Variants in OR8G5 observed in about 807,000 individuals in gnomAD.
The protein encoded by OR8G5 is olfactory receptor family 8 subfamily G member 5, also known as olfactory receptor 8G5.
For synonymous variants in OR8G5, 147 were observed against 147.7 expected (o/e 1.00, Z 0.03); for missense variants, 347 against 371.9 (o/e 0.93, Z 0.55).
chr11:124,264,109 A>G (rs1479874644), intron 1 of OR8G5, among the ~76,000 whole-genome samples: 3 of 151,224 alleles, frequency 2.0e-5, no homozygotes, highest in Non-Finnish European at 2.9e-5. Flanking sequence ...TTCTTCACTT[A>G]CTGATTTATG....
intron 1 of OR8G5, among the ~76,000 whole-genome samples, chr11:124,260,606 A>T (rs528754730): frequency 2.6e-5 from 4 of 151,854 alleles, no homozygotes; most frequent in Non-Finnish European, 4.4e-5. Flanking sequence ...ATCTATACAT[A>T]AGTTTGAGAG....
At chr11:124,263,362 T>G (rs1043478634) in intron 1 of OR8G5, among the ~76,000 whole-genome samples, 4 of 152,194 alleles carry the variant, frequency 2.6e-5, no homozygotes, top group African/African-American at 7.2e-5. Flanking sequence ...TTATTTTTTA[T>G]TATACTTTAA....
chr11:124,263,334 T>C (rs1178104415), intron 1 of OR8G5, among the ~76,000 whole-genome samples: 1 of 147,024 alleles, frequency 6.8e-6, no homozygotes, highest in Non-Finnish European at 1.5e-5. Flanking sequence ...TTGGTTCTTT[T>C]GCTTTTTAAA....
At position 124,265,795 on chromosome 11, in the gene OR8G5, G is replaced by C; in HGVS notation, c.864G>C (p.Leu288=). Residue 288 remains leucine (L), a synonymous_variant, in exon 2 of 2, where the codon CTG becomes CTC. Transcript: ENST00000641992. ...TTGTTGTGCCCATGCTGAACCCCCTGATCTACAGCCTGAGGAATAAAGATG... is the reference window on the plus strand; with the variant it reads ...TTGTTGTGCCCATGCTGAACCCCCTCATCTACAGCCTGAGGAATAAAGATG... ...YTIVVPMLNP[L]IYSLRNKDVH... 1 of 1,591,058 alleles carries C rather than the reference G, an allele frequency of 6.3e-7. No individual in the cohort carries two copies. The highest frequency in any genetic ancestry group is 8.6e-7 in the Non-Finnish European group (1 of 1,169,042).
Position 124,265,808 on chromosome 11 carries a change from A to C in OR8G5, c.877A>C (p.Arg293=). 1 of 1,613,736 alleles carries C rather than the reference A, an allele frequency of 6.2e-7. No homozygotes were observed. Among genetic ancestry groups the C allele is most frequent in the Non-Finnish European group, 8.5e-7 (1 of 1,179,912 alleles). ...GCTGAACCCCCTGATCTACAGCCTG[A>C]GGAATAAAGATGTCCACGTTGCCCT... ...PMLNPLIYSL[R]NKDVHVALKK... is the part of the protein sequence containing the mutation. Residue 293 remains arginine, a synonymous_variant, in exon 2 of 2, where the codon AGG becomes CGG. Transcript: ENST00000641992.
chr11:124,265,329 G>A lies in OR8G5; in HGVS notation c.398G>A (p.Ser133Asn). 1.2e-6 allele frequency: 2 copies of A among 1,614,028 alleles called. No individual in the cohort carries two copies. Among genetic ancestry groups the A allele is most frequent in the East Asian group, 2.2e-5 (1 of 44,886 alleles). Reference protein sequence around the residue: ...YVAICSPLLYSIIISNKACFS... With the variant: ...YVAICSPLLYNIIISNKACFS... ...GCCATCTGTAGCCCCTTGCTGTACA[G>A]CATCATCATATCCAATAAGGCTTGC... The change falls in exon 2 of 2, where the codon AGC becomes AAC. Residue 133 changes from serine to asparagine, a missense_variant. Ser to Asn is a conservative substitution (Grantham distance 46, BLOSUM62 1). Coordinates refer to ENST00000641992, the MANE Select transcript of OR8G5 (RefSeq NM_001005198.2).
In OR8G5 at chr11:124,266,218, A is replaced by G; in HGVS notation, c.*351A>G. On this transcript the variant is annotated 3_prime_UTR_variant, in exon 2 of 2. Coordinates refer to ENST00000641992, the MANE Select transcript of OR8G5 (RefSeq NM_001005198.2). ...AAAAACACTATCTTCTGGTGATAAA[A>G]TACTATCATGCGGTGATGACTAGCA... 4.7e-6 allele frequency: 1 copy of G among 211,358 alleles called. No individual in the cohort carries two copies. The highest frequency in any genetic ancestry group is 9.5e-6 in the Non-Finnish European group (1 of 104,842). The allele number at this position is 211,358 out of a possible 1,614,324, so 13.1% of individuals were successfully genotyped here.
At chr11:124,262,942 C>T (rs560919595) in intron 1 of OR8G5, among the ~76,000 whole-genome samples, 1 of 152,266 alleles carries the variant, frequency 6.6e-6, no homozygotes, top group African/African-American at 2.4e-5. Context: ...TCCCTGCCAG[C>T]TTTGTATGAC....
chr11:124,260,262 T>C (rs1861956641), intron 1 of OR8G5, among the ~76,000 whole-genome samples: 1 of 152,030 alleles, frequency 6.6e-6, no homozygotes, highest in Non-Finnish European at 1.5e-5. Flanking sequence ...AATAATGACT[T>C]TTGCAGCCGC....
chr11:124,261,653 A>C (rs1358070188), intron 1 of OR8G5, among the ~76,000 whole-genome samples: 8 of 151,958 alleles, frequency 5.3e-5, no homozygotes, highest in Admixed American at 3.9e-4. Flanking sequence ...GTGCATATTA[A>C]ATGCCTCAAC....
chr11:124,257,031 A>G (rs974737522), intron 1 of OR8G5, among the ~76,000 whole-genome samples: 1 of 152,222 alleles, frequency 6.6e-6, no homozygotes. Context: ...AGACTATTTA[A>G]TGTAGAAGGA....
In OR8G5 at chr11:124,265,819, T is replaced by G; in HGVS notation, c.888T>G (p.Asp296Glu). 1 of 1,614,088 alleles carries G rather than the reference T, an allele frequency of 6.2e-7. No individual in the cohort carries two copies. The highest frequency in any genetic ancestry group is 8.5e-7 in the Non-Finnish European group (1 of 1,179,964). The change falls in exon 2 of 2, where the codon GAT (aspartate) becomes GAG (glutamate). Residue 296 changes from aspartate to glutamate, a missense_variant. By Grantham distance (45) the Asp-to-Glu change is conservative. Coordinates refer to ENST00000641992, the MANE Select transcript of OR8G5 (RefSeq NM_001005198.2). ...TGATCTACAGCCTGAGGAATAAAGA[T>G]GTCCACGTTGCCCTGAAGAAAACGC... is the stretch of plus-strand genomic sequence containing the variant. ...NPLIYSLRNKDVHVALKKTLG... is the reference protein window; with the variant it reads ...NPLIYSLRNKEVHVALKKTLG...
chr11:124,259,151 T>A (rs1861940640), intron 1 of OR8G5, among the ~76,000 whole-genome samples: 1 of 130,728 alleles, frequency 7.6e-6, no homozygotes, highest in Non-Finnish European at 1.7e-5. Flanking sequence ...TTTAGAAGTG[T>A]CATTTGTGTG....
At position 124,265,748 on chromosome 11, in the gene OR8G5, G is replaced by T. The variant is rs1565320773; in HGVS notation, c.817G>T (p.Val273Leu). Reference protein sequence around the residue: ...SSVSSMDQGKVSSVFYTIVVP... With the variant: ...SSVSSMDQGKLSSVFYTIVVP... Reference sequence around the variant, plus strand: ...TGTCAGCTCCATGGACCAGGGGAAAGTGTCCTCTGTGTTTTATACTATTGT... The same window carrying T: ...TGTCAGCTCCATGGACCAGGGGAAATTGTCCTCTGTGTTTTATACTATTGT... The change falls in exon 2 of 2, where the codon GTG (valine) becomes TTG (leucine). Residue 273 changes from valine (V) to leucine (L), a missense_variant. Physicochemically the swap from Val to Leu is conservative, Grantham distance 32 (BLOSUM62 1). Transcript: ENST00000641992. The T allele has an allele frequency of 6.2e-7, 1 of 1,614,180 alleles. No individual in the cohort carries two copies.
chr11:124,264,662 T>C (rs1862009909), intron 1 of OR8G5: 2 of 516,156 alleles, frequency 3.9e-6, no homozygotes, highest in African/African-American at 1.9e-5. Context: ...AATACTGACT[T>C]GAAGATCATT....
chr11:124,266,019 C>G lies in OR8G5; in HGVS notation c.*152C>G, dbSNP rs1862027184. The stretch of plus-strand genomic sequence containing the variant: ...TATGTCTTATGCACATGGTCTATTT[C>G]ATGCCATTTCCCTCTCATTTTTTCT... On this transcript the variant is annotated 3_prime_UTR_variant, in exon 2 of 2. Coordinates refer to ENST00000641992, the MANE Select transcript of OR8G5 (RefSeq NM_001005198.2). 4 of 922,392 alleles carry G rather than the reference C, an allele frequency of 4.3e-6. No individual in the cohort carries two copies. The highest frequency in any genetic ancestry group is 6.2e-6 in the Non-Finnish European group (4 of 642,170). 57.1% of individuals were successfully genotyped at this position (922,392 alleles called of 1,614,324 possible).
chr11:124,256,912 G>A (rs532385624), intron 1 of OR8G5, among the ~76,000 whole-genome samples: 7 of 152,232 alleles, frequency 4.6e-5, no homozygotes, highest in African/African-American at 1.7e-4. Context: ...GCAGTAGAAA[G>A]GTCCAATCAA....
intron 1 of OR8G5, among the ~76,000 whole-genome samples, chr11:124,257,643 A>G (rs1191414250): frequency 6.6e-6 from 1 of 152,108 alleles, no homozygotes; most frequent in African/African-American, 2.4e-5. Context: ...TAGCAGATGA[A>G]AAGTCTGTCT....
rs1208846720 is a variant in OR8G5, at chr11:124,265,700, T to G, written c.769T>G (p.Phe257Val). 6.2e-7 allele frequency: 1 copy of G among 1,613,924 alleles called. No individual in the cohort carries two copies. The highest frequency in any genetic ancestry group is 2.2e-5 in the East Asian group (1 of 44,878). ...TTCTGTTTTCTTTGGGTCTGCAGCA[T>G]TCATGTACCTGCAGCCATCATCTGT... is the stretch of plus-strand genomic sequence containing the variant. ...AVSVFFGSAA[F>V]MYLQPSSVSS... The change falls in exon 2 of 2, where the codon TTC (phenylalanine) becomes GTC (valine). Residue 257 changes from phenylalanine (F) to valine (V), a missense_variant. Transcript: ENST00000641992.
Sources: gnomAD v4.1 joint callset for allele counts (sites outside exome capture counted in the v4.1 genomes callset) on GRCh38, gnomAD v4.1.1 for gene constraint, MANE v1.5 for transcripts, NCBI Gene and HGNC (gene_info 2026-07-23, HGNC 2026-07-21) for gene names.